Variants in KCNK12 observed in about 807,000 individuals in gnomAD.
The protein encoded by KCNK12 is potassium two pore domain channel subfamily K member 12.
Under a neutral mutation model 25.3 loss-of-function variants are expected in KCNK12, and 6 were observed. The observed-to-expected ratio is 0.24, with a 90% CI of 0.13 to 0.47. KCNK12 has a LOEUF of 0.47. KCNK12 is among the 20% of genes least tolerant of loss of function. The probability of loss-of-function intolerance (pLI) is 0.99; values close to 1 mark genes in which losing one functional copy is unlikely to be tolerated. For missense variants in KCNK12, 444 were observed against 661.7 expected, an observed-to-expected ratio of 0.67 and a Z score of 3.61; for synonymous variants, 331 against 311.1, an observed-to-expected ratio of 1.06 and a Z score of -0.67.
chr2:47,564,456 TA>T (rs1669750929), intron 1 of KCNK12: 1 of 222,590 alleles, frequency 4.5e-6, no homozygotes, highest in African/African-American at 2.2e-5. Flanking sequence ...TATCCAGCAA[TA>T]GGGGTAGTGA....
Position 47,533,399 on chromosome 2 carries a change from C to T in KCNK12, c.392-11591G>A, listed in dbSNP as rs1001989510. 7.9e-5 allele frequency among the ~76,000 whole-genome samples: 12 copies of T among 152,174 alleles called. No individual in the cohort carries two copies. Among genetic ancestry groups the T allele is most frequent in the African/African-American group, 2.7e-4 (11 of 41,428 alleles). On this transcript the variant is annotated intron_variant, in intron 1 of 1. Transcript: ENST00000327876. This position sits in a 1 kb window ranked among gnomAD's most constrained non-coding sequence, Gnocchi z 4.7. ...CACAGTGCCCGGGACATAGTAAGCTCCCCAAAAGCACCAAGCTTAGCTGGG... is the reference window on the plus strand; with the variant it reads ...CACAGTGCCCGGGACATAGTAAGCTTCCCAAAAGCACCAAGCTTAGCTGGG...
intron 1 of KCNK12, among the ~76,000 whole-genome samples, chr2:47,544,885 C>A (rs1377946321): frequency 6.6e-6 from 1 of 152,110 alleles, no homozygotes; most frequent in East Asian, 1.9e-4. Flanking sequence ...AAAACAAAAC[C>A]CAAAATTCAT....
rs1428273817 is a variant in KCNK12 at position 47,533,601 on chromosome 2, T to A, written c.392-11793A>T. On this transcript the variant is annotated intron_variant, in intron 1 of 1. Transcript: ENST00000327876. The surrounding 1 kb of genome is among the most constrained non-coding windows in gnomAD (Gnocchi z 4.7). ...CGCCGTTCTCCTACCTCGCTGGGCC[T>A]CCATCTCCCCACCTCTGGCTCACTT... is the stretch of plus-strand genomic sequence containing the variant. Among the ~76,000 whole-genome samples, 1 of 152,176 alleles carries A rather than the reference T, an allele frequency of 6.6e-6. No homozygotes were observed. Among genetic ancestry groups the A allele is most frequent in the Non-Finnish European group, 1.5e-5 (1 of 68,016 alleles).
Position 47,513,584 on chromosome 2 carries a change from C to A in KCNK12, c.*7323G>T, listed in dbSNP as rs187698331. Among the ~76,000 whole-genome samples the A allele has an allele frequency of 6.6e-5, 10 of 152,292 alleles. No homozygotes were observed. Among genetic ancestry groups the A allele is most frequent in the Admixed American group, 5.9e-4 (9 of 15,298 alleles). ...TCCAAAATGTTGGTCTAGCCTGGGT[C>A]ATTGTTATGAGCTCTAGACTCACAA... is the stretch of plus-strand genomic sequence containing the variant. On this transcript the variant is annotated 3_prime_UTR_variant, in exon 2 of 2. Coordinates refer to ENST00000327876, the MANE Select transcript of KCNK12 (RefSeq NM_022055.2).
Position 47,521,150 on chromosome 2 carries a change from G to A in KCNK12, c.1050C>T (p.Ala350=). 1 of 1,292,500 alleles carries A rather than the reference G, an allele frequency of 7.7e-7. No individual in the cohort carries two copies. The highest frequency in any genetic ancestry group is 2.8e-5 in the South Asian group (1 of 36,210). The allele number at this position is 1,292,500 out of a possible 1,614,324, so 80.1% of individuals were successfully genotyped here. The change falls in exon 2 of 2, where the codon GCC becomes GCT. Residue 350 remains alanine, a synonymous_variant. Coordinates refer to ENST00000327876, the MANE Select transcript of KCNK12 (RefSeq NM_022055.2). The part of the protein sequence containing the change: ...RLRRRLAALG[A]DPAARDSDAE... ...CGTCGCTGTCGCGGGCCGCGGGGTC[G>A]GCACCGAGCGCGGCCAGGCGGCGGC...
chr2:47,543,275 T>A (rs987880323), intron 1 of KCNK12: 13 of 151,736 alleles, frequency 8.6e-5, no homozygotes, highest in African/African-American at 1.9e-4. Flanking sequence ...TTTTTTTTTT[T>A]AGCTTTGATT....
At chr2:47,545,100 A>AGT (rs1558558656) in intron 1 of KCNK12, among the ~76,000 whole-genome samples, 1 of 152,170 alleles carries the variant, frequency 6.6e-6, no homozygotes. Flanking sequence ...TGGGGAGGGA[A>AGT]GTCATACACA....
Position 47,516,117 on chromosome 2 carries a change from TCAG to T in KCNK12, c.*4787_*4789del, listed in dbSNP as rs1668518375. 6.6e-6 allele frequency among the ~76,000 whole-genome samples: 1 copy of T among 152,096 alleles called. No homozygotes were observed. Among genetic ancestry groups the T allele is most frequent in the South Asian group, 2.1e-4 (1 of 4,812 alleles). ...TGACTGCCAGATCCAAAACTAGAATTCAGACCTCCTAGTTTCTAAGTGGACGCT... is the reference window on the plus strand; with the variant it reads ...TGACTGCCAGATCCAAAACTAGAATTACCTCCTAGTTTCTAAGTGGACGCT... On this transcript the variant is annotated 3_prime_UTR_variant, in exon 2 of 2. Coordinates refer to ENST00000327876, the MANE Select transcript of KCNK12 (RefSeq NM_022055.2).
At chr2:47,561,920 T>G (rs1669681571) in intron 1 of KCNK12, among the ~76,000 whole-genome samples, 1 of 152,114 alleles carries the variant, frequency 6.6e-6, no homozygotes, top group African/African-American at 2.4e-5. Flanking sequence ...TATAAGAACA[T>G]CTGAGCTAAG....
chr2:47,541,267 G>C (rs528106615), intron 1 of KCNK12, among the ~76,000 whole-genome samples: 12 of 152,294 alleles, frequency 7.9e-5, no homozygotes, highest in Middle Eastern at 6.8e-3. Flanking sequence ...GCTGTGCTAG[G>C]ACACGGTCCT....
In KCNK12 at chr2:47,562,775, CT is replaced by C. The variant is rs1190314516; in HGVS notation, c.391+7165del. The C allele has an allele frequency of 4.3e-6, 1 of 233,182 alleles. No homozygotes were observed. The highest frequency in any genetic ancestry group is 8.5e-6 in the Non-Finnish European group (1 of 118,084). The allele number at this position is 233,182 out of a possible 1,614,324, so 14.4% of individuals were successfully genotyped here. ...CTGCAGTTTCAAGCCCCTCCACCCCCTGTTCCTCACCAACTCTCCCCGTGTA... is the reference window on the plus strand; with the variant it reads ...CTGCAGTTTCAAGCCCCTCCACCCCCGTTCCTCACCAACTCTCCCCGTGTA... On this transcript the variant is annotated intron_variant, in intron 1 of 1. Coordinates refer to ENST00000327876, the MANE Select transcript of KCNK12 (RefSeq NM_022055.2). The surrounding 1 kb of genome is among the most constrained non-coding windows in gnomAD (Gnocchi z 4.8).
chr2:47,534,515 ACC>A lies in KCNK12; in HGVS notation c.392-12709_392-12708del, dbSNP rs34901455. On this transcript the variant is annotated intron_variant, in intron 1 of 1. Transcript: ENST00000327876. ...AGGGATGAGATCACTGCCCCTTCTA[ACC>A]CCCCCCCCCGCCCCCACACACAGAA... 6.2e-4 allele frequency among the ~76,000 whole-genome samples: 30 copies of A among 48,188 alleles called. 1 individual carries two copies. The highest frequency in any genetic ancestry group is 2.7e-3 in the African/African-American group (28 of 10,554). The allele number at this position is 48,188 out of a possible 152,430, so 31.6% of individuals were successfully genotyped here.
At chr2:47,563,480 T>G (rs1166698922) in intron 1 of KCNK12, 1 of 233,218 alleles carries the variant, frequency 4.3e-6, no homozygotes, top group African/African-American at 2.2e-5. Context: ...GCGCAAGCTC[T>G]CAGGGAATCC....
In KCNK12 at chr2:47,566,988, G is replaced by A. The variant is rs1669798090; in HGVS notation, c.391+2953C>T. ...TGCTGTGATCCAGCTGCCCATGTTG[G>A]AATATGCCTTAATCTCTGCCATGCA... On this transcript the variant is annotated intron_variant, in intron 1 of 1. Transcript: ENST00000327876. This position sits in a 1 kb window ranked among gnomAD's most constrained non-coding sequence, Gnocchi z 4.1. The A allele has an allele frequency of 6.6e-6, 1 of 152,196 alleles. No homozygotes were observed. The highest frequency in any genetic ancestry group is 2.1e-4 in the South Asian group (1 of 4,820). 9.4% of individuals were successfully genotyped at this position (152,196 alleles called of 1,614,324 possible). A position where few individuals can be genotyped will look rare whatever the true frequency, so the allele number is the denominator to read the frequency against.
chr2:47,529,739 CAGT>C lies in KCNK12; in HGVS notation c.392-7934_392-7932del, dbSNP rs1417497715. On this transcript the variant is annotated intron_variant, in intron 1 of 1. Transcript: ENST00000327876. The surrounding 1 kb of genome is among the most constrained non-coding windows in gnomAD (Gnocchi z 4.3). The stretch of plus-strand genomic sequence containing the variant: ...CCATGGGAAGGCTGAGGCGTGGACT[CAGT>C]GGGCAGGGATGGAAAAAGACTCAGA... 2.0e-5 allele frequency among the ~76,000 whole-genome samples: 3 copies of C among 152,278 alleles called. No individual in the cohort carries two copies. In the East Asian group the frequency reaches 5.8e-4, roughly 29 times the overall value.
rs1668537096 is a variant in KCNK12, at chr2:47,516,844, G to A, written c.*4063C>T. 1 of 152,246 alleles carries A rather than the reference G, an allele frequency of 6.6e-6. No individual in the cohort carries two copies. Among genetic ancestry groups the A allele is most frequent in the African/African-American group, 2.4e-5 (1 of 41,434 alleles). 9.4% of individuals were successfully genotyped at this position (152,246 alleles called of 1,614,324 possible). A position where few individuals can be genotyped will look rare whatever the true frequency, so the allele number is the denominator to read the frequency against. On this transcript the variant is annotated 3_prime_UTR_variant, in exon 2 of 2. Coordinates refer to ENST00000327876, the MANE Select transcript of KCNK12 (RefSeq NM_022055.2). ...AATGCATGAGACTAGCGTGGAAGGT[G>A]TAGCAATTGTGCTCTGGGGTGCCTG...
chr2:47,544,451 C>T (rs1186811976), intron 1 of KCNK12, among the ~76,000 whole-genome samples: 1 of 152,262 alleles, frequency 6.6e-6, no homozygotes, highest in Non-Finnish European at 1.5e-5. Context: ...CCTTTCTTCC[C>T]AGGCCCCCAG....
At position 47,515,090 on chromosome 2, in the gene KCNK12, G is replaced by A. The variant is rs181935883; in HGVS notation, c.*5817C>T. 3.2e-3 allele frequency among the ~76,000 whole-genome samples: 493 copies of A among 152,248 alleles called. 4 individuals carry two copies. Among genetic ancestry groups the A allele is most frequent in the Non-Finnish European group, 3.3e-3 (227 of 68,016 alleles). On this transcript the variant is annotated 3_prime_UTR_variant, in exon 2 of 2. Coordinates refer to ENST00000327876, the MANE Select transcript of KCNK12 (RefSeq NM_022055.2). ...GGATCATCTAGGCTACTTTATGCAG[G>A]TAAAACAGCCACCTGTGCCCATCAC...
rs1668828697 is a variant in KCNK12, at chr2:47,528,122, G to A, written c.392-6314C>T. Among the ~76,000 whole-genome samples, 1 of 152,160 alleles carries A rather than the reference G, an allele frequency of 6.6e-6. No individual in the cohort carries two copies. Among genetic ancestry groups the A allele is most frequent in the African/African-American group, 2.4e-5 (1 of 41,432 alleles). ...CATAACAACTTAGCTAGGGAGTGCT[G>A]CAGGCCCCAAATGATGCTAAATACT... On this transcript the variant is annotated intron_variant, in intron 1 of 1. Transcript: ENST00000327876. The surrounding 1 kb of genome is among the most constrained non-coding windows in gnomAD (Gnocchi z 4.5).
Sources: allele counts gnomAD v4.1 joint callset (sites outside exome capture counted in the v4.1 genomes callset), GRCh38; gene constraint gnomAD v4.1.1; non-coding constraint Gnocchi (gnomAD v3.1); transcripts MANE v1.5; gene names NCBI Gene and HGNC (gene_info 2026-07-23, HGNC 2026-07-21).